Variants in CCNY observed in about 807,000 individuals in gnomAD.
The protein encoded by CCNY is cyclin Y.
Under a neutral mutation model 42.8 loss-of-function variants are expected in CCNY, and 19 were observed. That is an observed-to-expected ratio of 0.44 (90% CI 0.31 to 0.65). The LOEUF (loss-of-function observed/expected upper bound fraction) is 0.65, where lower values mean the gene tolerates loss of function less well. Ranked by LOEUF, CCNY falls within the 30% of genes least tolerant of loss-of-function variation. The pLI, the probability that CCNY is intolerant of heterozygous loss-of-function variation, is 0.07. For synonymous variants in CCNY, 165 were observed against 162.7 expected, an observed-to-expected ratio of 1.01 and a Z score of -0.11; for missense variants, 370 against 437.3, an observed-to-expected ratio of 0.85 and a Z score of 1.37.
At chr10:35,515,279 A>G (rs1589171447) in intron 3 of CCNY, among the ~76,000 whole-genome samples, 1 of 152,176 alleles carries the variant, frequency 6.6e-6, no homozygotes, top group South Asian at 2.1e-4. Flanking sequence ...GAGGGTCAGG[A>G]TGCTTCAGCA....
At chr10:35,312,460 C>A (rs924736706) in intron 3 of CCNY, among the ~76,000 whole-genome samples, 3 of 151,462 alleles carry the variant, frequency 2.0e-5, no homozygotes, top group Admixed American at 2.0e-4. Context: ...TGCATGTGGG[C>A]CCTACATCCT....
chr10:35,373,666 C>G (rs1329294002), intron 1 of CCNY, among the ~76,000 whole-genome samples: 2 of 152,188 alleles, frequency 1.3e-5, no homozygotes, highest in African/African-American at 4.8e-5. Flanking sequence ...TCCACTTTCA[C>G]TTAATGAATA....
At chr10:35,250,788 GAAAA>G (rs1565051829) in intron 3 of CCNY, among the ~76,000 whole-genome samples, 9 of 152,190 alleles carry the variant, frequency 5.9e-5, no homozygotes, top group Admixed American at 4.6e-4. Context: ...TTCAGTAAAT[GAAAA>G]TACATCTGGG....
rs1231869678 is a variant in CCNY, at chr10:35,570,045, T to C, written c.*875T>C. 6.5e-6 allele frequency: 1 copy of C among 152,778 alleles called. No individual in the cohort carries two copies. Among genetic ancestry groups the C allele is most frequent in the Admixed American group, 6.5e-5 (1 of 15,276 alleles). The allele number at this position is 152,778 out of a possible 1,614,324, so 9.5% of individuals were successfully genotyped here. On this transcript the variant is annotated 3_prime_UTR_variant, in exon 10 of 10. Transcript: ENST00000374704. ...CAGCAGAGGGTGTCCCTGTGAGAGTTCTGCAGAGTGCTGGGCATGTGCCTG... is the reference window on the plus strand; with the variant it reads ...CAGCAGAGGGTGTCCCTGTGAGAGTCCTGCAGAGTGCTGGGCATGTGCCTG...
intron 1 of CCNY, among the ~76,000 whole-genome samples, chr10:35,342,425 C>T (rs1470961323): frequency 6.6e-6 from 1 of 152,198 alleles, no homozygotes; most frequent in Non-Finnish European, 1.5e-5. Flanking sequence ...TATTAGTTAG[C>T]AGTGTGGAGA....
intron 1 of CCNY, among the ~76,000 whole-genome samples, chr10:35,343,122 C>G (rs910447458): frequency 2.0e-5 from 3 of 151,428 alleles, no homozygotes; most frequent in African/African-American, 7.3e-5. Flanking sequence ...CCTGCCTCAG[C>G]CTCCCGAGTA....
chr10:35,383,415 C>T (rs973585675), intron 1 of CCNY, among the ~76,000 whole-genome samples: 9 of 151,972 alleles, frequency 5.9e-5, no homozygotes, highest in South Asian at 2.1e-4. Flanking sequence ...TCAAGCAGTT[C>T]TCCTGCCCCA....
At chr10:35,370,966 C>T (rs764596297) in intron 1 of CCNY, among the ~76,000 whole-genome samples, 2 of 152,178 alleles carry the variant, frequency 1.3e-5, no homozygotes, top group African/African-American at 2.4e-5. Context: ...CCGTCCGCCT[C>T]GGCCTCTCAA....
intron 3 of CCNY, among the ~76,000 whole-genome samples, chr10:35,274,800 G>C (rs1589011732): frequency 1.3e-5 from 2 of 151,950 alleles, no homozygotes; most frequent in African/African-American, 4.8e-5. Flanking sequence ...GAAAACATTT[G>C]CCAGCTGGAT....
intron 1 of CCNY, among the ~76,000 whole-genome samples, chr10:35,477,673 C>A (rs1839548093): frequency 6.7e-6 from 1 of 149,642 alleles, no homozygotes; most frequent in Non-Finnish European, 1.5e-5. Context: ...AAACCCACAG[C>A]CAATATCATA....
At chr10:35,514,038 T>C (rs1752168405) in intron 3 of CCNY, among the ~76,000 whole-genome samples, 1 of 145,234 alleles carries the variant, frequency 6.9e-6, no homozygotes, top group South Asian at 2.2e-4. Context: ...GCAGGAGGTG[T>C]TGTACTTTCC....
At chr10:35,428,534 A>G (rs190569335) in intron 1 of CCNY, among the ~76,000 whole-genome samples, 1 of 152,238 alleles carries the variant, frequency 6.6e-6, no homozygotes, top group East Asian at 1.9e-4. Context: ...GGCTATATTA[A>G]TAATTTTGGT....
In CCNY at chr10:35,570,071, G is replaced by C. The variant is rs1038014324; in HGVS notation, c.*901G>C. ...CTGCAGAGTGCTGGGCATGTGCCTGGAACTACCGAGTAGGAGCCATTTCTT... is the reference window on the plus strand; with the variant it reads ...CTGCAGAGTGCTGGGCATGTGCCTGCAACTACCGAGTAGGAGCCATTTCTT... On this transcript the variant is annotated 3_prime_UTR_variant, in exon 10 of 10. Transcript: ENST00000374704. 2 of 152,716 alleles carry C rather than the reference G, an allele frequency of 1.3e-5. No homozygotes were observed. Among genetic ancestry groups the C allele is most frequent in the East Asian group, 1.9e-4 (1 of 5,328 alleles). 9.5% of individuals were successfully genotyped at this position (152,716 alleles called of 1,614,324 possible).
intron 4 of CCNY, among the ~76,000 whole-genome samples, chr10:35,524,403 A>T (rs1840607775): frequency 6.6e-6 from 1 of 152,234 alleles, no homozygotes; most frequent in South Asian, 2.1e-4. Flanking sequence ...AGAGCTCTGG[A>T]AAGAGAGAGG....
At chr10:35,388,547 T>C (rs1385231899) in intron 1 of CCNY, among the ~76,000 whole-genome samples, 1 of 152,218 alleles carries the variant, frequency 6.6e-6, no homozygotes, top group African/African-American at 2.4e-5. Flanking sequence ...TTAATGAGCT[T>C]CCTCTCCTTG....
At chr10:35,394,652 G>T (rs1422523553) in intron 1 of CCNY, among the ~76,000 whole-genome samples, 1 of 152,222 alleles carries the variant, frequency 6.6e-6, no homozygotes, top group African/African-American at 2.4e-5. Flanking sequence ...TGGTCTTTTG[G>T]TATGCTGTCG....
At chr10:35,263,842 C>T (rs2095722205) in intron 3 of CCNY, among the ~76,000 whole-genome samples, 2 of 152,100 alleles carry the variant, frequency 1.3e-5, no homozygotes, top group Admixed American at 1.3e-4. Flanking sequence ...TTTCCTACTC[C>T]CCCAACAGGC....
intron 2 of CCNY, among the ~76,000 whole-genome samples, chr10:35,486,243 G>A (rs1258956743): frequency 1.3e-5 from 2 of 152,170 alleles, no homozygotes; most frequent in African/African-American, 4.8e-5. Flanking sequence ...CCAGCTCCAG[G>A]TTCAGTGACA....
chr10:35,361,086 T>C (rs751172087), intron 1 of CCNY, among the ~76,000 whole-genome samples: 21 of 152,000 alleles, frequency 1.4e-4, no homozygotes, highest in Non-Finnish European at 2.5e-4. Flanking sequence ...CTCGAACTCC[T>C]GGCCTTGTGA....
Sources: gnomAD v4.1 joint callset for allele counts (sites outside exome capture counted in the v4.1 genomes callset) on GRCh38, gnomAD v4.1.1 for gene constraint, MANE v1.5 for transcripts, NCBI Gene and HGNC (gene_info 2026-07-23, HGNC 2026-07-21) for gene names.